Variants in CACNA1C observed in about 807,000 individuals in gnomAD.
CACNA1C encodes voltage-dependent L-type calcium channel subunit alpha-1C.
A neutral mutation model predicts 229.0 loss-of-function variants in CACNA1C; 30 were observed. That is an observed-to-expected ratio of 0.13 (90% CI 0.10 to 0.18). CACNA1C has a LOEUF of 0.18. CACNA1C is among the 10% of genes least tolerant of loss of function. The pLI is 1.00. For missense variants in CACNA1C, 1,658 were observed against 2,845.0 expected, an observed-to-expected ratio of 0.58 and a Z score of 9.49; for synonymous variants, 1,114 against 1,132.5, an observed-to-expected ratio of 0.98 and a Z score of 0.33.
chr12:2,072,549 G>A (rs2061748047), intron 1 of CACNA1C, among the ~76,000 whole-genome samples: 1 of 152,080 alleles, frequency 6.6e-6, no homozygotes, highest in Admixed American at 6.6e-5. Flanking sequence ...TCCTATTCAT[G>A]GCACCTAATG....
At position 2,593,200 on chromosome 12, in the gene CACNA1C, G is replaced by T. The variant is rs749112370; in HGVS notation, c.2531-13G>T. 1 of 1,612,808 alleles carries T rather than the reference G, an allele frequency of 6.2e-7. No homozygotes were observed. Among genetic ancestry groups the T allele is most frequent in the Non-Finnish European group, 8.5e-7 (1 of 1,179,200 alleles). On this transcript the variant is annotated splice_polypyrimidine_tract_variant and intron_variant, in intron 18 of 46. Transcript: ENST00000399655. The stretch of plus-strand genomic sequence containing the variant: ...TGCTGGAGTTATTTAGAATGGTGCT[G>T]TTCTTCTTACAGGAGAAGAGGATGA...
At chr12:2,111,024 T>C (rs913928819) in intron 1 of CACNA1C, among the ~76,000 whole-genome samples, 7 of 86,036 alleles carry the variant, frequency 8.1e-5, no homozygotes, top group Admixed American at 2.7e-4. Flanking sequence ...GTCTCACCTG[T>C]GTGCGGCTCT....
rs575989828 is a variant in CACNA1C at position 2,556,380 on chromosome 12, G to A, written c.1482-571G>A. Among the ~76,000 whole-genome samples, 29 of 152,298 alleles carry A rather than the reference G, an allele frequency of 1.9e-4. No homozygotes were observed. In the South Asian group the frequency reaches 5.2e-3, roughly 27 times the overall value. The stretch of plus-strand genomic sequence containing the variant: ...GAGGTCCCCAGGTCTTCAGGGCTGC[G>A]TGTGACCGTCAGCATCCTGGGTTTC... On this transcript the variant is annotated intron_variant, in intron 10 of 46. Coordinates refer to ENST00000399655, the MANE Select transcript of CACNA1C (RefSeq NM_000719.7).
chr12:2,645,735 C>T (rs372995869), intron 30 of CACNA1C, among the ~76,000 whole-genome samples: 7 of 152,174 alleles, frequency 4.6e-5, no homozygotes, highest in East Asian at 3.8e-4. Context: ...CTGATTTCAT[C>T]GCGAGTGGTT....
At chr12:2,106,772 C>T (rs1372818058) in intron 1 of CACNA1C, among the ~76,000 whole-genome samples, 1 of 130,004 alleles carries the variant, frequency 7.7e-6, no homozygotes, top group Admixed American at 7.6e-5. Flanking sequence ...GTTTCCACCT[C>T]AGCTGGGCGT....
intron 22 of CACNA1C, among the ~76,000 whole-genome samples, chr12:2,603,925 G>A (rs1320261114): frequency 1.3e-5 from 2 of 152,226 alleles, no homozygotes. Flanking sequence ...GTAGAAATGT[G>A]ATTGGACAAG....
intron 3 of CACNA1C, among the ~76,000 whole-genome samples, chr12:2,128,627 G>A (rs918214675): frequency 2.6e-5 from 4 of 152,092 alleles, no homozygotes; most frequent in Non-Finnish European, 4.4e-5. Flanking sequence ...TAGTCAGGAT[G>A]GTCTCGATCT....
At chr12:2,002,531 T>C (rs1234370604) in intron 1 of CACNA1C, among the ~76,000 whole-genome samples, 1 of 152,262 alleles carries the variant, frequency 6.6e-6, no homozygotes, top group East Asian at 1.9e-4. Flanking sequence ...GATGAGGCTT[T>C]AGGTATCTAA....
chr12:2,287,490 T>C lies in CACNA1C; in HGVS notation c.478-161486T>C, dbSNP rs1357085860. ...GCCCGAAGAGCAGTTTCAGCCTGCG[T>C]GGTCTTGATGTGGTCTTGGCTGATG... On this transcript the variant is annotated intron_variant, in intron 3 of 46. Coordinates refer to ENST00000399655, the MANE Select transcript of CACNA1C (RefSeq NM_000719.7). The surrounding 1 kb of genome is among the most constrained non-coding windows in gnomAD (Gnocchi z 4.6). Among the ~76,000 whole-genome samples, 1 of 152,178 alleles carries C rather than the reference T, an allele frequency of 6.6e-6. No homozygotes were observed. Among genetic ancestry groups the C allele is most frequent in the Non-Finnish European group, 1.5e-5 (1 of 68,026 alleles).
At position 2,319,100 on chromosome 12, in the gene CACNA1C, T is replaced by A. The variant is rs73605743; in HGVS notation, c.478-129876T>A. ...TCTCACCCCAGCTGTTTCCTGGGGC[T>A]GTGAAGTTCATCGGCTCCTTTTCCT... is the stretch of plus-strand genomic sequence containing the variant. On this transcript the variant is annotated intron_variant, in intron 3 of 46. Coordinates refer to ENST00000399655, the MANE Select transcript of CACNA1C (RefSeq NM_000719.7). The surrounding 1 kb of genome is among the most constrained non-coding windows in gnomAD (Gnocchi z 4.0). Among the ~76,000 whole-genome samples, 5,170 of 152,028 alleles carry A rather than the reference T, an allele frequency of 0.034. 201 individuals carry two copies. Among genetic ancestry groups the A allele is most frequent in the African/African-American group, 0.09 (3,745 of 41,426 alleles).
intron 3 of CACNA1C, among the ~76,000 whole-genome samples, chr12:2,420,835 C>T (rs529302527): frequency 2.6e-5 from 4 of 152,190 alleles, no homozygotes; most frequent in Non-Finnish European, 5.9e-5. Flanking sequence ...CTATTTCTCA[C>T]GATCACTGTG....
rs142504684 is a variant in CACNA1C, at chr12:2,289,347, G to T, written c.478-159629G>T. Among the ~76,000 whole-genome samples, 11 of 152,306 alleles carry T rather than the reference G, an allele frequency of 7.2e-5. No homozygotes were observed. In the East Asian group the frequency reaches 1.9e-3, roughly 27 times the overall value. On this transcript the variant is annotated intron_variant, in intron 3 of 46. Transcript: ENST00000399655. The stretch of plus-strand genomic sequence containing the variant: ...CTGAATTTCCTTCACTGCCTGGGGA[G>T]GGGGTGGATGGAGGAGGGAAACTAG...
chr12:2,471,431 C>G (rs1350992888), intron 5 of CACNA1C, among the ~76,000 whole-genome samples: 1 of 152,194 alleles, frequency 6.6e-6, no homozygotes. Context: ...ACTACACATT[C>G]TATAGATCCA....
At chr12:2,438,378 T>C (rs2099175877) in intron 3 of CACNA1C, among the ~76,000 whole-genome samples, 1 of 145,074 alleles carries the variant, frequency 6.9e-6, no homozygotes, top group Non-Finnish European at 1.5e-5. Flanking sequence ...GTGGTGGTGA[T>C]GGTGGTCATG....
chr12:2,089,809 C>T (rs190086897), intron 1 of CACNA1C, among the ~76,000 whole-genome samples: 1 of 151,668 alleles, frequency 6.6e-6, no homozygotes, highest in South Asian at 2.1e-4. Flanking sequence ...CTGAGGTGGG[C>T]GGATCACAAG....
At chr12:2,123,952 G>C (rs2088472812) in intron 3 of CACNA1C, among the ~76,000 whole-genome samples, 1 of 152,180 alleles carries the variant, frequency 6.6e-6, no homozygotes, top group African/African-American at 2.4e-5. Flanking sequence ...AGGGCGAAGT[G>C]TTGGGTCTTG....
chr12:2,408,032 T>C (rs1307930108), intron 3 of CACNA1C, among the ~76,000 whole-genome samples: 1 of 152,202 alleles, frequency 6.6e-6, no homozygotes, highest in Non-Finnish European at 1.5e-5. Flanking sequence ...GCACCCCAAC[T>C]CTTTTGCCGG....
intron 3 of CACNA1C, among the ~76,000 whole-genome samples, chr12:2,306,008 CGAA>C (rs1411707460): frequency 3.3e-5 from 5 of 152,284 alleles, no homozygotes; most frequent in African/African-American, 1.2e-4. Flanking sequence ...GTTGAAGAAA[CGAA>C]GGCACCAAGA....
In CACNA1C at chr12:2,067,610, C is replaced by G. The variant is rs1291975000; in HGVS notation, c.49+13999C>G. ...CAGAGAGAGCTCGTGGTGTGCAGCC[C>G]TGAGGTCACGTTTGTGACGTGGATG... On this transcript the variant is annotated intron_variant, in intron 1 of 46. Coordinates refer to ENST00000399655, the MANE Select transcript of CACNA1C (RefSeq NM_000719.7). The surrounding 1 kb of genome is among the most constrained non-coding windows in gnomAD (Gnocchi z 5.3). 6.6e-6 allele frequency among the ~76,000 whole-genome samples: 1 copy of G among 152,082 alleles called. No individual in the cohort carries two copies. The highest frequency in any genetic ancestry group is 2.4e-5 in the African/African-American group (1 of 41,396).
Sources: allele counts gnomAD v4.1 joint callset (sites outside exome capture counted in the v4.1 genomes callset), GRCh38; gene constraint gnomAD v4.1.1; non-coding constraint Gnocchi (gnomAD v3.1); transcripts MANE v1.5; gene names NCBI Gene and HGNC (gene_info 2026-07-23, HGNC 2026-07-21).